Variants in IL20RA observed in about 807,000 individuals in gnomAD.
The protein encoded by IL20RA is interleukin 20 receptor subunit alpha, also known as interleukin-20 receptor subunit alpha.
In IL20RA, 29 loss-of-function variants were observed where a neutral mutation model predicts 36.5. The observed-to-expected ratio is 0.79, with a 90% CI of 0.59 to 1.08. The LOEUF is 1.08. Ranked by LOEUF, IL20RA falls within the 50% of genes least tolerant of loss-of-function variation. The probability of loss-of-function intolerance (pLI) is 0.00; values close to 1 mark genes in which losing one functional copy is unlikely to be tolerated. For missense variants in IL20RA, 652 were observed against 668.4 expected (o/e 0.98, Z 0.27); for synonymous variants, 279 against 267.1 (o/e 1.04, Z -0.43).
intron 1 of IL20RA, among the ~76,000 whole-genome samples, chr6:137,032,754 A>G (rs1248584229): frequency 1.3e-5 from 2 of 152,246 alleles, no homozygotes; most frequent in Non-Finnish European, 2.9e-5. Flanking sequence ...TTCGGTAGCC[A>G]TCAAGAACAC....
intron 1 of IL20RA, among the ~76,000 whole-genome samples, chr6:137,029,742 T>C (rs1018488745): frequency 1.6e-4 from 25 of 152,272 alleles, no homozygotes; most frequent in African/African-American, 5.3e-4. Flanking sequence ...CTGAAAAGAA[T>C]AGCTGTTGGA....
chr6:137,018,335 T>C (rs1434494343), intron 1 of IL20RA, among the ~76,000 whole-genome samples: 5 of 152,206 alleles, frequency 3.3e-5, no homozygotes, highest in African/African-American at 4.8e-5. Flanking sequence ...TTAAACTTTG[T>C]AATATCACCC....
chr6:137,029,230 A>G, intron 1 of IL20RA, among the ~76,000 whole-genome samples: 1 of 152,188 alleles, frequency 6.6e-6, no homozygotes, highest in Non-Finnish European at 1.5e-5. Context: ...TTTTTGGGCC[A>G]GGCATGGTGG....
chr6:137,022,629 A>C lies in IL20RA; in HGVS notation c.89-5526T>G, dbSNP rs1775943495. Among the ~76,000 whole-genome samples, 3 of 152,248 alleles carry C rather than the reference A, an allele frequency of 2.0e-5. No individual in the cohort carries two copies. In the South Asian group the frequency reaches 6.2e-4, roughly 31 times the overall value. ...TCCTCTCTTGCAAAAACAAATAAAT[A>C]AAAATAAAATATATATTAAAGTCTT... On this transcript the variant is annotated intron_variant, in intron 1 of 6. Transcript: ENST00000316649.
At chr6:137,014,262 AT>A (rs1347360291) in intron 2 of IL20RA, among the ~76,000 whole-genome samples, 1 of 152,056 alleles carries the variant, frequency 6.6e-6, no homozygotes, top group Non-Finnish European at 1.5e-5. Flanking sequence ...AATATGGTAA[AT>A]TTTTTTAATT....
At chr6:137,035,838 T>C (rs917820911) in intron 1 of IL20RA, among the ~76,000 whole-genome samples, 3 of 152,250 alleles carry the variant, frequency 2.0e-5, no homozygotes, top group Non-Finnish European at 2.9e-5. Flanking sequence ...AGATAATTTA[T>C]AGACATTCTG....
chr6:137,018,554 G>A (rs1489041013), intron 1 of IL20RA, among the ~76,000 whole-genome samples: 1 of 143,692 alleles, frequency 7.0e-6, no homozygotes, highest in Middle Eastern at 3.4e-3. Context: ...GTGTGTTAGG[G>A]GTAGGGGAAT....
chr6:137,037,155 AC>A (rs1776519118), intron 1 of IL20RA, among the ~76,000 whole-genome samples: 1 of 152,184 alleles, frequency 6.6e-6, no homozygotes, highest in South Asian at 2.1e-4. Context: ...AGAAGTATAA[AC>A]AAAGCTTCCC....
intron 1 of IL20RA, among the ~76,000 whole-genome samples, chr6:137,026,663 A>T (rs1776097832): frequency 6.6e-6 from 1 of 152,220 alleles, no homozygotes; most frequent in African/African-American, 2.4e-5. Context: ...GACTAATTTC[A>T]GGAAGCGGAT....
In IL20RA at chr6:137,002,009, T is replaced by C. The variant is rs1286696671; in HGVS notation, c.1211A>G (p.Asp404Gly). The C allele has an allele frequency of 1.2e-5, 19 of 1,614,106 alleles. No individual in the cohort carries two copies. Among genetic ancestry groups the C allele is most frequent in the Non-Finnish European group, 1.4e-5 (17 of 1,180,052 alleles). Residue 404 changes from aspartate to glycine, a missense_variant, in exon 7 of 7, where the codon GAT becomes GGT. Transcript: ENST00000316649. ...CGCACAAATGTCAGTGGTTCTGACA[T>C]CATATTCATATTCAATGACTGTTTT... Reference protein sequence around the residue: ...PDKTVIEYEYDVRTTDICAGP... With the variant: ...PDKTVIEYEYGVRTTDICAGP...
intron 2 of IL20RA, among the ~76,000 whole-genome samples, 178 bp downstream of exon 2, chr6:137,016,790 T>A (rs569532183): frequency 7.2e-5 from 11 of 152,268 alleles, no homozygotes; most frequent in African/African-American, 2.4e-4. Flanking sequence ...TCTGTCTCCA[T>A]GAAGAAACTG....
At chr6:137,017,758 A>AATTTATTT in intron 1 of IL20RA, among the ~76,000 whole-genome samples, 1 of 152,290 alleles carries the variant, frequency 6.6e-6, no homozygotes, top group Non-Finnish European at 1.5e-5. Context: ...GAAATAAGAC[A>AATTTATTT]ATTTATTTAA....
intron 1 of IL20RA, among the ~76,000 whole-genome samples, chr6:137,026,721 C>T (rs529758128): frequency 3.9e-5 from 6 of 152,164 alleles, no homozygotes; most frequent in Non-Finnish European, 7.3e-5. Flanking sequence ...ACAGGTATGA[C>T]TGCCTTCACA....
At chr6:137,010,642 T>C (rs578239184) in intron 3 of IL20RA, among the ~76,000 whole-genome samples, 4 of 152,228 alleles carry the variant, frequency 2.6e-5, no homozygotes, top group Non-Finnish European at 5.9e-5. Context: ...TGGCAACATT[T>C]TAAAAGTAAA....
intron 1 of IL20RA, among the ~76,000 whole-genome samples, chr6:137,028,628 T>C (rs1242960734): frequency 6.6e-6 from 1 of 152,178 alleles, no homozygotes; most frequent in African/African-American, 2.4e-5. Flanking sequence ...TAAACATGTT[T>C]TTTTAGTATT....
chr6:137,010,191 A>G (rs970466400), intron 3 of IL20RA, among the ~76,000 whole-genome samples: 2 of 152,230 alleles, frequency 1.3e-5, no homozygotes, highest in South Asian at 4.1e-4. Context: ...GATTAGAATG[A>G]TCTAGAACAG....
At chr6:137,041,050 C>A (rs772481091) in intron 1 of IL20RA, among the ~76,000 whole-genome samples, 2 of 152,230 alleles carry the variant, frequency 1.3e-5, no homozygotes, top group Non-Finnish European at 2.9e-5. Flanking sequence ...TTTGAAGTGA[C>A]AATTTATGTG....
intron 1 of IL20RA, 86 bp downstream of exon 1, chr6:137,044,555 G>C (rs1776829171): frequency 8.5e-7 from 1 of 1,181,686 alleles, no homozygotes; most frequent in Non-Finnish European, 1.1e-6. Flanking sequence ...GCGGGCAGGA[G>C]GGGAGAGCTC....
chr6:137,043,813 T>A (rs539203276), intron 1 of IL20RA, among the ~76,000 whole-genome samples: 62 of 152,290 alleles, frequency 4.1e-4, no homozygotes, highest in African/African-American at 1.4e-3. Flanking sequence ...TAAAAAGGGA[T>A]CCCGGATATC....
Sources: allele counts gnomAD v4.1 joint callset (sites outside exome capture counted in the v4.1 genomes callset), GRCh38; gene constraint gnomAD v4.1.1; transcripts MANE v1.5; gene names NCBI Gene and HGNC (gene_info 2026-07-23, HGNC 2026-07-21).